The following NEK11 variants were observed in gnomAD, a reference collection of about 807,000 sequenced individuals.
NEK11 encodes the protein NIMA related kinase 11.
Under a neutral mutation model 80.7 loss-of-function variants are expected in NEK11, and 72 were observed. The observed-to-expected ratio is 0.89, with a 90% confidence interval of 0.74 to 1.08. NEK11 has a LOEUF of 1.08. Among genes scored for constraint, NEK11 ranks in the 50% least tolerant of loss-of-function variants. The pLI is 0.00. For synonymous variants in NEK11, 251 were observed against 260.7 expected, an observed-to-expected ratio of 0.96 and a Z score of 0.36; for missense variants, 764 against 763.6, an observed-to-expected ratio of 1.00 and a Z score of -0.01.
chr3:131,112,204 AT>A (rs1435823498), intron 5 of NEK11, among the ~76,000 whole-genome samples: 5 of 152,322 alleles, frequency 3.3e-5, no homozygotes, highest in African/African-American at 1.2e-4. Flanking sequence ...TGAGTGTGGT[AT>A]GGCCCTATAA....
At chr3:131,233,196 C>T (rs1489470721) in intron 15 of NEK11, among the ~76,000 whole-genome samples, 1 of 152,098 alleles carries the variant, frequency 6.6e-6, no homozygotes, top group Non-Finnish European at 1.5e-5. Context: ...AAAGGTTTGG[C>T]CCTGTCAAGA....
intron 5 of NEK11, among the ~76,000 whole-genome samples, chr3:131,131,594 T>C (rs1279434149): frequency 2.0e-5 from 3 of 152,144 alleles, no homozygotes; most frequent in Admixed American, 1.3e-4. Flanking sequence ...TTAATAGTTT[T>C]TGTCTTCTAT....
intron 3 of NEK11, among the ~76,000 whole-genome samples, chr3:131,064,591 C>A (rs896838225): frequency 3.9e-5 from 6 of 152,012 alleles, no homozygotes; most frequent in East Asian, 1.9e-4. Context: ...TAGGGGGACA[C>A]AATTCAATCC....
intron 13 of NEK11, among the ~76,000 whole-genome samples, chr3:131,170,469 C>T (rs1365889151): frequency 6.6e-6 from 1 of 152,112 alleles, no homozygotes; most frequent in Non-Finnish European, 1.5e-5. Flanking sequence ...AAGAAGGCCC[C>T]CCTCAGCTGT....
chr3:131,341,098 AAG>A (rs1427828473), intron 17 of NEK11, among the ~76,000 whole-genome samples: 3 of 152,328 alleles, frequency 2.0e-5, no homozygotes, highest in Admixed American at 6.5e-5. Context: ...AGATAACAGC[AAG>A]AGAGTCCTCT....
intron 16 of NEK11, among the ~76,000 whole-genome samples, chr3:131,260,131 G>A (rs547503374): frequency 1.3e-5 from 2 of 152,160 alleles, no homozygotes; most frequent in East Asian, 3.9e-4. Context: ...GAAATGAGAT[G>A]GAAGACATAA....
intron 11 of NEK11, 185 bp from the exon 12 acceptor site, chr3:131,165,241 G>T: frequency 1.8e-6 from 1 of 554,222 alleles, no homozygotes; most frequent in Non-Finnish European, 3.3e-6. Context: ...AGTATCTTGT[G>T]TGTGCTTTAA....
At chr3:131,234,433 T>G (rs1371321953) in intron 15 of NEK11, among the ~76,000 whole-genome samples, 1 of 152,218 alleles carries the variant, frequency 6.6e-6, no homozygotes. Context: ...AAAAGCAGAC[T>G]CCCAGCTGTT....
Position 131,181,694 on chromosome 3 carries a change from T to C in NEK11, c.1399+10807T>C, listed in dbSNP as rs369404908. On this transcript the variant is annotated intron_variant, in intron 14 of 17. Coordinates refer to ENST00000383366, the MANE Select transcript of NEK11 (RefSeq NM_024800.5). ...TCAGGAGGCAGAACTTGCAGTGAGC[T>C]GAGATCGCACCACTGCACTTCAGCC... Among the ~76,000 whole-genome samples the C allele has an allele frequency of 1.1e-4, 14 of 131,176 alleles. No individual in the cohort carries two copies. In the East Asian group the frequency reaches 1.1e-3, roughly 10 times the overall value. The allele number at this position is 131,176 out of a possible 152,430, so 86.1% of individuals were successfully genotyped here.
At chr3:131,244,655 C>T (rs2095569895) in intron 16 of NEK11, among the ~76,000 whole-genome samples, 1 of 152,068 alleles carries the variant, frequency 6.6e-6, no homozygotes, top group Non-Finnish European at 1.5e-5. Flanking sequence ...AAGGTGGTGG[C>T]TCACACCTGT....
chr3:131,044,310 G>C (rs1308588675), intron 3 of NEK11, among the ~76,000 whole-genome samples: 1 of 150,158 alleles, frequency 6.7e-6, no homozygotes, highest in East Asian at 2.0e-4. Flanking sequence ...TGGCAAATTG[G>C]ATAGAGTCAA....
At chr3:131,129,446 A>T (rs1181474468) in intron 5 of NEK11, among the ~76,000 whole-genome samples, 2 of 152,116 alleles carry the variant, frequency 1.3e-5, no homozygotes, top group Non-Finnish European at 2.9e-5. Flanking sequence ...CAGAGCAGAA[A>T]TTTTTTATTT....
chr3:131,086,483 A>G (rs1368975315), intron 4 of NEK11, among the ~76,000 whole-genome samples: 1 of 152,182 alleles, frequency 6.6e-6, no homozygotes, highest in Non-Finnish European at 1.5e-5. Flanking sequence ...AAAATATTAT[A>G]TGGGTTACAC....
At chr3:131,273,621 A>T (rs2096241327) in intron 17 of NEK11, 47 bp downstream of exon 17, 5 of 1,394,744 alleles carry the variant, frequency 3.6e-6, no homozygotes, top group Non-Finnish European at 5.1e-6. Flanking sequence ...GTGTTAAAGC[A>T]TATTGACCAA....
chr3:131,138,984 A>G (rs1294583756), intron 7 of NEK11, among the ~76,000 whole-genome samples: 1 of 152,216 alleles, frequency 6.6e-6, no homozygotes, highest in South Asian at 2.1e-4. Flanking sequence ...ATGAACATTC[A>G]CAAGTGTCAA....
At chr3:131,080,696 T>G (rs1292201892) in intron 4 of NEK11, 108 bp downstream of exon 4, 1 of 895,716 alleles carries the variant, frequency 1.1e-6, no homozygotes, top group Non-Finnish European at 1.6e-6. Context: ...TAAATTGAAC[T>G]GTAAAGACCT....
chr3:131,319,660 A>C (rs1032654040), intron 17 of NEK11, among the ~76,000 whole-genome samples: 12 of 152,190 alleles, frequency 7.9e-5, no homozygotes, highest in Non-Finnish European at 1.3e-4. Flanking sequence ...GAAGTAGAAA[A>C]GAAACTTGCC....
At chr3:131,269,381 C>T (rs2096130862) in intron 16 of NEK11, among the ~76,000 whole-genome samples, 1 of 152,182 alleles carries the variant, frequency 6.6e-6, no homozygotes, top group South Asian at 2.1e-4. Context: ...TGCTTGAAAC[C>T]CAGGGCCCTG....
chr3:131,127,799 A>G (rs2083626166), intron 5 of NEK11, among the ~76,000 whole-genome samples: 1 of 130,356 alleles, frequency 7.7e-6, no homozygotes, highest in Non-Finnish European at 1.7e-5. Context: ...ACCTTGATCT[A>G]ATGAGGAACT....
Sources: allele counts gnomAD v4.1 joint callset (sites outside exome capture counted in the v4.1 genomes callset), GRCh38; gene constraint gnomAD v4.1.1; transcripts MANE v1.5; gene names NCBI Gene and HGNC (gene_info 2026-07-23, HGNC 2026-07-21).